CNTD1: variants seen among roughly 807,000 people sequenced by gnomAD.
The protein encoded by CNTD1 is cyclin N-terminal domain-containing protein 1.
Under a neutral mutation model 36.3 loss-of-function variants are expected in CNTD1, and 17 were observed. That is an observed-to-expected ratio of 0.47 (90% CI 0.32 to 0.70). CNTD1 has a LOEUF of 0.70. CNTD1 is among the 30% of genes least tolerant of loss of function. The pLI, the probability that CNTD1 is intolerant of heterozygous loss-of-function variation, is 0.03. For missense variants in CNTD1, 338 were observed against 386.1 expected (o/e 0.88, Z 1.04); for synonymous variants, 128 against 153.3 (o/e 0.83, Z 1.22).
Position 42,804,277 on chromosome 17 carries a change from A to C in CNTD1, c.298A>C (p.Arg100=). 6.2e-7 allele frequency: 1 copy of C among 1,614,156 alleles called. No homozygotes were observed. The highest frequency in any genetic ancestry group is 1.1e-5 in the South Asian group (1 of 91,084). The change falls in exon 3 of 7, where the codon AGA becomes CGA. Residue 100 remains arginine (R), a synonymous_variant. Coordinates refer to ENST00000588408, the MANE Select transcript of CNTD1 (RefSeq NM_173478.3). ...NICRQATIQP[R]DNKRESQNWR... is the part of the protein sequence containing the mutation. ...CTGCAGGCAAGCCACAATCCAGCCA[A>C]GAGATAATAAGAGAGAGTCTCAGAA...
rs1341396702 is a variant in CNTD1 at position 42,799,205 on chromosome 17, G to A, written c.138G>A (p.Arg46=). 6.2e-7 allele frequency: 1 copy of A among 1,613,936 alleles called. No homozygotes were observed. Among genetic ancestry groups the A allele is most frequent in the Non-Finnish European group, 8.5e-7 (1 of 1,179,922 alleles). ...AAGCAGTGAGGGAGGCTTCGGGGCG[G>A]CTGGGCCGCTTCAGGGAGCCCCAGA... The part of the protein sequence containing the change: ...NEQAVREASG[R]LGRFREPQIV... The change falls in exon 1 of 7, where the codon CGG becomes CGA. Residue 46 remains arginine, a synonymous_variant. Transcript: ENST00000588408.
In CNTD1 at chr17:42,809,179, C is replaced by T. The variant is rs185111739; in HGVS notation, c.823-186C>T. On this transcript the variant is annotated intron_variant, in intron 6 of 6. Coordinates refer to ENST00000588408, the MANE Select transcript of CNTD1 (RefSeq NM_173478.3). Reference sequence around the variant, plus strand: ...GAGGGAAATGTCTACCAGAAAGTTTCCATGCTAACATTATCAGGGCAAAGG... The same window carrying T: ...GAGGGAAATGTCTACCAGAAAGTTTTCATGCTAACATTATCAGGGCAAAGG... Among the ~76,000 whole-genome samples the T allele has an allele frequency of 4.9e-3, 751 of 152,364 alleles. 2 individuals are homozygous for T. The highest frequency in any genetic ancestry group is 0.031 in the Middle Eastern group (9 of 294).
intron 5 of CNTD1, 128 bp downstream of exon 5, chr17:42,806,946 T>C (rs1386404639): frequency 1.2e-5 from 9 of 752,292 alleles, no homozygotes; most frequent in Non-Finnish European, 1.7e-5. Flanking sequence ...GGCTACCTGG[T>C]TCTCATTAGT....
chr17:42,799,481 G>A (rs1428538004), intron 1 of CNTD1, among the ~76,000 whole-genome samples: 2 of 152,082 alleles, frequency 1.3e-5, no homozygotes, highest in Admixed American at 1.3e-4. Flanking sequence ...GCCAGGCATG[G>A]TGGCTTACAC....
chr17:42,810,922 A>G lies in CNTD1; in HGVS notation c.*1387A>G, dbSNP rs2054985642. On this transcript the variant is annotated 3_prime_UTR_variant, in exon 7 of 7. Transcript: ENST00000588408. The stretch of plus-strand genomic sequence containing the variant: ...TGTCTTCAATCTTGCCTTTCTCCAC[A>G]TCCATCCTGCAGATGGACAGAGCAA... The G allele has an allele frequency of 4.4e-6, 7 of 1,608,066 alleles. No homozygotes were observed. The highest frequency in any genetic ancestry group is 5.9e-6 in the Non-Finnish European group (7 of 1,177,390).
Position 42,807,876 on chromosome 17 carries a change from T to A in CNTD1, c.822+12T>A. On this transcript the variant is annotated intron_variant, in intron 6 of 6. Coordinates refer to ENST00000588408, the MANE Select transcript of CNTD1 (RefSeq NM_173478.3). ...AGTGTTGGAGCCAGGTATGCACCAC[T>A]GAGCAGGACCAGCATGGTGAGAATT... 1 of 1,578,164 alleles carries A rather than the reference T, an allele frequency of 6.3e-7. No individual in the cohort carries two copies. The highest frequency in any genetic ancestry group is 1.7e-5 in the Admixed American group (1 of 59,926).
At chr17:42,808,772 G>A (rs1416737771) in intron 6 of CNTD1, among the ~76,000 whole-genome samples, 1 of 151,516 alleles carries the variant, frequency 6.6e-6, no homozygotes, top group Non-Finnish European at 1.5e-5. Context: ...CAAAGGCCAG[G>A]CAGGGTTGCT....
intron 6 of CNTD1, among the ~76,000 whole-genome samples, chr17:42,808,639 T>C (rs956166637): frequency 7.3e-5 from 11 of 149,850 alleles, no homozygotes; most frequent in Admixed American, 2.0e-4. Flanking sequence ...TTGGCTGAGA[T>C]GGGAGGATCA....
In CNTD1 at chr17:42,807,703, A is replaced by T. The variant is rs1414573796; in HGVS notation, c.726-65A>T. The T allele has an allele frequency of 1.1e-5, 12 of 1,140,084 alleles. No individual in the cohort carries two copies. The East Asian group carries it at 2.6e-4, about 25-fold the overall frequency. 70.6% of individuals were successfully genotyped at this position (1,140,084 alleles called of 1,614,324 possible). A position where few individuals can be genotyped will look rare whatever the true frequency, so the allele number is the denominator to read the frequency against. On this transcript the variant is annotated intron_variant, in intron 5 of 6. Transcript: ENST00000588408. ...AATAATTCATAGTTGAAGTTCCATGACCCTATGATTTGGAAGATCAAGTTC... is the reference window on the plus strand; with the variant it reads ...AATAATTCATAGTTGAAGTTCCATGTCCCTATGATTTGGAAGATCAAGTTC...
intron 3 of CNTD1, 70 bp from the exon 4 acceptor site, chr17:42,805,652 T>A: frequency 7.4e-7 from 1 of 1,357,044 alleles, no homozygotes; most frequent in Non-Finnish European, 1.0e-6. Context: ...TATGAAGGGC[T>A]TTGTGCACTC....
intron 1 of CNTD1, among the ~76,000 whole-genome samples, chr17:42,802,646 A>C (rs1170652484): frequency 1.3e-5 from 2 of 152,180 alleles, no homozygotes; most frequent in African/African-American, 4.8e-5. Context: ...ACATCTATCT[A>C]TGTGTAATGT....
chr17:42,805,808 T>G lies in CNTD1; in HGVS notation c.504T>G (p.Asp168Glu). Reference protein sequence around the residue: ...TKEELLESELDVLKSLNFRIN... With the variant: ...TKEELLESELEVLKSLNFRIN... ...AAGAACTGCTGGAATCAGAGCTTGA[T>G]GTTTTGAAGTCCTTGAACTTCCGAA... Residue 168 changes from aspartate (D) to glutamate (E), a missense_variant, in exon 4 of 7, where the codon GAT becomes GAG. Physicochemically the swap from Asp to Glu is conservative, Grantham distance 45 (BLOSUM62 2). Transcript: ENST00000588408. 2.5e-6 allele frequency: 4 copies of G among 1,614,096 alleles called. No individual in the cohort carries two copies. The highest frequency in any genetic ancestry group is 3.4e-6 in the Non-Finnish European group (4 of 1,179,924).
At chr17:42,804,198 TG>T in intron 2 of CNTD1, 26 bp from the exon 3 acceptor site, 1 of 1,595,250 alleles carries the variant, frequency 6.3e-7, no homozygotes, top group Non-Finnish European at 8.5e-7. Context: ...GAGTGAGGAT[TG>T]TTTACTCTCC....
chr17:42,804,491 A>G (rs1003676394), intron 3 of CNTD1, 95 bp downstream of exon 3: 28 of 1,095,156 alleles, frequency 2.6e-5, no homozygotes, highest in East Asian at 2.4e-5. Flanking sequence ...GTCAGTGACA[A>G]GAAGAAAATA....
chr17:42,804,495 G>T, intron 3 of CNTD1, 99 bp downstream of exon 3: 48 of 983,904 alleles, frequency 4.9e-5, no homozygotes, highest in Non-Finnish European at 4.3e-5. Flanking sequence ...GTGACAAGAA[G>T]AAAATAAATA....
rs769718804 is a variant in CNTD1, at chr17:42,811,434, C to G, written c.*1899C>G. ...TTGAGCTCTATGCCAAGAAAACCCC[C>G]TAAACCATCTAAGGCAACATTCTTC... On this transcript the variant is annotated 3_prime_UTR_variant, in exon 7 of 7. Transcript: ENST00000588408. The G allele has an allele frequency of 8.1e-5, 38 of 469,062 alleles. No homozygotes were observed. Among genetic ancestry groups the G allele is most frequent in the Non-Finnish European group, 1.3e-4 (35 of 279,948 alleles). 29.1% of individuals were successfully genotyped at this position (469,062 alleles called of 1,614,324 possible).
In CNTD1 at chr17:42,811,193, ACTT is replaced by A. The variant is rs1258716259; in HGVS notation, c.*1662_*1664del. 2.8e-6 allele frequency: 1 copy of A among 361,500 alleles called. No individual in the cohort carries two copies. Among genetic ancestry groups the A allele is most frequent in the Non-Finnish European group, 4.9e-6 (1 of 204,132 alleles). The allele number at this position is 361,500 out of a possible 1,614,324, so 22.4% of individuals were successfully genotyped here. A position where few individuals can be genotyped will look rare whatever the true frequency, so the allele number is the denominator to read the frequency against. ...AGTAGGGGTGAGTGAGGGTTACAGT[ACTT>A]CTTGCTGTTTTCCTAGGCATCCCTG... is the stretch of plus-strand genomic sequence containing the variant. On this transcript the variant is annotated 3_prime_UTR_variant, in exon 7 of 7. Coordinates refer to ENST00000588408, the MANE Select transcript of CNTD1 (RefSeq NM_173478.3).
Position 42,809,630 on chromosome 17 carries a change from T to C in CNTD1, c.*95T>C. On this transcript the variant is annotated 3_prime_UTR_variant, in exon 7 of 7. Transcript: ENST00000588408. The stretch of plus-strand genomic sequence containing the variant: ...ATACTAAGGGTACAAAAATTCCAAG[T>C]CTCTTTTGAACTGTATTTTGTATGC... 8.5e-7 allele frequency: 1 copy of C among 1,174,216 alleles called. No homozygotes were observed. Among genetic ancestry groups the C allele is most frequent in the South Asian group, 1.5e-5 (1 of 67,754 alleles). 72.7% of individuals were successfully genotyped at this position (1,174,216 alleles called of 1,614,324 possible).
At chr17:42,801,512 T>A (rs936528798) in intron 1 of CNTD1, among the ~76,000 whole-genome samples, 2,629 of 32,764 alleles carry the variant, frequency 0.08, 71 homozygotes, top group East Asian at 0.11. Context: ...AAAAAAAAAA[T>A]ATATATATAT....
Sources: gnomAD v4.1 joint callset for allele counts (sites outside exome capture counted in the v4.1 genomes callset) on GRCh38, gnomAD v4.1.1 for gene constraint, MANE v1.5 for transcripts, NCBI Gene and HGNC (gene_info 2026-07-23, HGNC 2026-07-21) for gene names.